The following CACNB2 variants were observed in gnomAD, a reference collection of about 807,000 sequenced individuals.
The protein encoded by CACNB2 is voltage-dependent L-type calcium channel subunit beta-2.
CACNB2 carries 42 observed loss-of-function variants against 73.3 expected under a neutral mutation model. That is an observed-to-expected ratio of 0.57 (90% CI 0.45 to 0.74). The LOEUF is 0.74. CACNB2 is among the 30% of genes least tolerant of loss of function. The pLI, the probability that CACNB2 is intolerant of heterozygous loss-of-function variation, is 0.00. For missense variants in CACNB2, 940 were observed against 853.0 expected, an observed-to-expected ratio of 1.10 and a Z score of -1.27; for synonymous variants, 348 against 310.3, an observed-to-expected ratio of 1.12 and a Z score of -1.28.
chr10:18,535,308 T>G (rs2053454593), intron 11 of CACNB2, among the ~76,000 whole-genome samples: 1 of 152,148 alleles, frequency 6.6e-6, no homozygotes. Context: ...AAATTGTTTC[T>G]CCTTTTCTCA....
At chr10:18,403,272 G>C (rs1035245056) in intron 3 of CACNB2, among the ~76,000 whole-genome samples, 2 of 152,144 alleles carry the variant, frequency 1.3e-5, no homozygotes, top group Non-Finnish European at 2.9e-5. Context: ...CTCTACCAAT[G>C]TTAGCCACGT....
intron 3 of CACNB2, among the ~76,000 whole-genome samples, chr10:18,435,757 C>A (rs1489306488): frequency 1.3e-5 from 2 of 152,152 alleles, no homozygotes; most frequent in African/African-American, 4.8e-5. Flanking sequence ...GCCTTGGCCT[C>A]CCAAAGTGCT....
At chr10:18,292,615 C>T (rs1218145137) in intron 2 of CACNB2, among the ~76,000 whole-genome samples, 2 of 152,114 alleles carry the variant, frequency 1.3e-5, no homozygotes, top group Non-Finnish European at 2.9e-5. Flanking sequence ...GAGATCGGGC[C>T]ACTGCACTCC....
At chr10:18,260,200 T>G (rs1030473543) in intron 2 of CACNB2, among the ~76,000 whole-genome samples, 1 of 152,162 alleles carries the variant, frequency 6.6e-6, no homozygotes, top group Non-Finnish European at 1.5e-5. Flanking sequence ...ACATGGTCTT[T>G]AGGGAGAATA....
At chr10:18,448,267 T>TGC (rs2046833651) in intron 3 of CACNB2, among the ~76,000 whole-genome samples, 1 of 151,920 alleles carries the variant, frequency 6.6e-6, no homozygotes, top group Non-Finnish European at 1.5e-5. Flanking sequence ...GCAGATCACC[T>TGC]GAGACCAGCC....
intron 3 of CACNB2, among the ~76,000 whole-genome samples, chr10:18,427,326 A>C (rs924245542): frequency 6.6e-6 from 1 of 151,984 alleles, no homozygotes; most frequent in Non-Finnish European, 1.5e-5. Flanking sequence ...CATTTTCATG[A>C]TGTTTTTAAC....
At chr10:18,400,725 G>T in intron 2 of CACNB2, 1 of 1,221,576 alleles carries the variant, frequency 8.2e-7, no homozygotes, top group Non-Finnish European at 1.0e-6. Flanking sequence ...TTAGGGTTAT[G>T]AGATGCATTA....
intron 3 of CACNB2, among the ~76,000 whole-genome samples, chr10:18,495,664 T>C (rs2049765495): frequency 6.7e-6 from 1 of 148,718 alleles, no homozygotes; most frequent in Non-Finnish European, 1.5e-5. Flanking sequence ...GCTCCCACCA[T>C]GCCCTCCCAA....
chr10:18,277,489 A>G (rs1475569806), intron 2 of CACNB2, among the ~76,000 whole-genome samples: 1 of 152,230 alleles, frequency 6.6e-6, no homozygotes, highest in Non-Finnish European at 1.5e-5. Flanking sequence ...TAATACAACG[A>G]GGAAAATATA....
intron 3 of CACNB2, among the ~76,000 whole-genome samples, chr10:18,409,698 G>C (rs377165153): frequency 1.3e-5 from 2 of 152,118 alleles, no homozygotes; most frequent in African/African-American, 4.8e-5. Flanking sequence ...AGGGTAATTG[G>C]GGAGGGACTG....
At chr10:18,506,598 C>A (rs757414199) in intron 6 of CACNB2, 51 bp downstream of exon 6, 1 of 1,113,502 alleles carries the variant, frequency 9.0e-7, no homozygotes. Context: ...CATGCTTTCC[C>A]CAGCTCTATC....
rs957533481 is a variant in CACNB2 at position 18,431,454 on chromosome 10, A to C, written c.333+29411A>C. Among the ~76,000 whole-genome samples the C allele has an allele frequency of 5.3e-5, 8 of 152,154 alleles. No homozygotes were observed. The East Asian group carries it at 1.4e-3, about 26-fold the overall frequency. ...AAATCTATTGCCTTTTCCTGTGGTTACTGCTTGTGAGAGAAAACATACTCG... is the reference window on the plus strand; with the variant it reads ...AAATCTATTGCCTTTTCCTGTGGTTCCTGCTTGTGAGAGAAAACATACTCG... On this transcript the variant is annotated intron_variant, in intron 3 of 13. Coordinates refer to ENST00000324631, the MANE Select transcript of CACNB2 (RefSeq NM_201596.3).
intron 2 of CACNB2, among the ~76,000 whole-genome samples, chr10:18,203,228 C>G (rs965100535): frequency 1.3e-5 from 2 of 152,084 alleles, no homozygotes; most frequent in African/African-American, 2.4e-5. Context: ...CTTGGAGAGT[C>G]GAAATTATAG....
intron 2 of CACNB2, among the ~76,000 whole-genome samples, chr10:18,377,289 G>T (rs2042839736): frequency 6.6e-6 from 1 of 152,190 alleles, no homozygotes; most frequent in South Asian, 2.1e-4. Context: ...AGAAGAATTG[G>T]AGTAAGGAAT....
intron 3 of CACNB2, among the ~76,000 whole-genome samples, chr10:18,477,733 T>G (rs996928928): frequency 6.6e-6 from 1 of 152,160 alleles, no homozygotes; most frequent in African/African-American, 2.4e-5. Flanking sequence ...AGGGGCAGGT[T>G]AGGGAAGAGT....
chr10:18,407,985 CTATATT>C (rs1214071188), intron 3 of CACNB2, among the ~76,000 whole-genome samples: 2 of 151,802 alleles, frequency 1.3e-5, no homozygotes, highest in Admixed American at 6.6e-5. Flanking sequence ...TTTCTAATGA[CTATATT>C]TATTATTTCA....
chr10:18,532,061 C>T (rs911712769), intron 10 of CACNB2: 1 of 152,108 alleles, frequency 6.6e-6, no homozygotes, highest in Non-Finnish European at 1.5e-5. Context: ...TATACTCTGT[C>T]AAAGGAAAAT....
At chr10:18,484,318 C>T (rs1339806809) in intron 3 of CACNB2, among the ~76,000 whole-genome samples, 1 of 151,696 alleles carries the variant, frequency 6.6e-6, no homozygotes, top group African/African-American at 2.4e-5. Context: ...CACTTGAACC[C>T]GGGAGGCAGA....
At chr10:18,253,318 T>C (rs777077389) in intron 2 of CACNB2, among the ~76,000 whole-genome samples, 4 of 152,210 alleles carry the variant, frequency 2.6e-5, no homozygotes, top group Non-Finnish European at 4.4e-5. Flanking sequence ...GCTGAGTACA[T>C]AGCAATATTT....
Sources: allele counts gnomAD v4.1 joint callset (sites outside exome capture counted in the v4.1 genomes callset), GRCh38; gene constraint gnomAD v4.1.1; transcripts MANE v1.5; gene names NCBI Gene and HGNC (gene_info 2026-07-23, HGNC 2026-07-21).